The following EIF4G3 variants were observed in gnomAD, a reference collection of about 807,000 sequenced individuals.
EIF4G3 encodes the protein eIF-4-gamma 3.
A neutral mutation model predicts 186.4 loss-of-function variants in EIF4G3; 34 were observed. The observed-to-expected ratio is 0.18, with a 90% CI of 0.14 to 0.24. The LOEUF is 0.24. EIF4G3 is among the 10% of genes least tolerant of loss of function. The probability of loss-of-function intolerance (pLI) is 1.00; values close to 1 mark genes in which losing one functional copy is unlikely to be tolerated. For synonymous variants in EIF4G3, 673 were observed against 679.5 expected, an observed-to-expected ratio of 0.99 and a Z score of 0.15; for missense variants, 1,536 against 1,948.5, an observed-to-expected ratio of 0.79 and a Z score of 3.99.
intron 14 of EIF4G3, among the ~76,000 whole-genome samples, chr1:20,925,275 A>G (rs1190027592): frequency 6.6e-6 from 1 of 152,242 alleles, no homozygotes; most frequent in Non-Finnish European, 1.5e-5. Context: ...TTTATGGAAC[A>G]TCAGTGTATA....
intron 2 of EIF4G3, among the ~76,000 whole-genome samples, chr1:21,133,430 T>C (rs1351412566): frequency 6.6e-6 from 1 of 151,902 alleles, no homozygotes; most frequent in Non-Finnish European, 1.5e-5. Flanking sequence ...TTTCACCATA[T>C]TGGCCAGGCT....
intron 14 of EIF4G3, among the ~76,000 whole-genome samples, chr1:20,916,564 T>C (rs142490650): frequency 2.0e-5 from 3 of 152,224 alleles, no homozygotes; most frequent in Admixed American, 6.5e-5. Context: ...CAAATCAAAT[T>C]TCAACTGTCT....
chr1:20,814,782 C>T lies in EIF4G3; in HGVS notation c.4516-1543G>A, dbSNP rs184749002. ...CCCCCTCCCCCTCCCCCTCCCCCTC[C>T]CCCTCTCCCTCTCCCCACAGTCTCC... On this transcript the variant is annotated intron_variant, in intron 34 of 36. Coordinates refer to ENST00000602326, the MANE Select transcript of EIF4G3 (RefSeq NM_001391906.1). 5.7e-3 allele frequency among the ~76,000 whole-genome samples: 381 copies of T among 66,394 alleles called. 7 individuals are homozygous for T. The highest frequency in any genetic ancestry group is 0.027 in the East Asian group (22 of 818). 43.6% of individuals were successfully genotyped at this position (66,394 alleles called of 152,430 possible). A position where few individuals can be genotyped will look rare whatever the true frequency, so the allele number is the denominator to read the frequency against.
Position 20,899,936 on chromosome 1 carries a change from G to C in EIF4G3, c.1760C>G (p.Ala587Gly). The change falls in exon 16 of 37, where the codon GCT becomes GGT. Residue 587 changes from alanine to glycine, a missense_variant. This residue lies in a region of EIF4G3 where 560 missense variants were observed against 547.8 expected (regional missense o/e 1.02). Coordinates refer to ENST00000602326, the MANE Select transcript of EIF4G3 (RefSeq NM_001391906.1). Reference sequence around the variant, plus strand: ...TTTGTCAATGGAAAGCTCCTCTTCAGCTTTAAGCTAAATAATAAATGAACA... The same window carrying C: ...TTTGTCAATGGAAAGCTCCTCTTCACCTTTAAGCTAAATAATAAATGAACA... ...EMLEAELELK[A>G]EEELSIDKVL... The C allele has an allele frequency of 6.2e-7, 1 of 1,606,538 alleles. No individual in the cohort carries two copies. Among genetic ancestry groups the C allele is most frequent in the Non-Finnish European group, 8.5e-7 (1 of 1,178,122 alleles).
chr1:20,991,569 TA>T (rs11393266), intron 7 of EIF4G3, among the ~76,000 whole-genome samples: 14,308 of 142,350 alleles, frequency 0.1, 872 homozygotes, highest in East Asian at 0.27. Context: ...CTCTGTCTCA[TA>T]AAAAAAAAAA....
At position 20,864,522 on chromosome 1, in the gene EIF4G3, C is replaced by T. The variant is rs745659570; in HGVS notation, c.2960G>A (p.Arg987His). ...GTCTTTGCCAATGGTGGTGAGCAGG[C>T]GACACAGGCACTCCAGGGATTCTTC... ...HDEESLECLCRLLTTIGKDLD... is the reference protein window; with the variant it reads ...HDEESLECLCHLLTTIGKDLD... The change falls in exon 22 of 37, where the codon CGC becomes CAC. Residue 987 changes from arginine (R) to histidine (H), a missense_variant. This residue lies in a region of EIF4G3 where 110 missense variants were observed against 166.2 expected (regional missense o/e 0.66). Coordinates refer to ENST00000602326, the MANE Select transcript of EIF4G3 (RefSeq NM_001391906.1). The T allele has an allele frequency of 5.6e-6, 9 of 1,614,160 alleles. No homozygotes were observed. Among genetic ancestry groups the T allele is most frequent in the African/African-American group, 1.3e-5 (1 of 75,046 alleles).
Position 21,136,237 on chromosome 1 carries a change from G to A in EIF4G3, c.-272+39938C>T, listed in dbSNP as rs115897161. 7.0e-3 allele frequency among the ~76,000 whole-genome samples: 1,051 copies of A among 149,888 alleles called. 4 individuals are homozygous for A. The highest frequency in any genetic ancestry group is 0.015 in the Middle Eastern group (4 of 270). Reference sequence around the variant, plus strand: ...TTGCCAAAGGGAAAAAAAAAGAACAGGCTGGGCATGGTGGCTCACGCCTGT... The same window carrying A: ...TTGCCAAAGGGAAAAAAAAAGAACAAGCTGGGCATGGTGGCTCACGCCTGT... On this transcript the variant is annotated intron_variant, in intron 2 of 36. Coordinates refer to ENST00000602326, the MANE Select transcript of EIF4G3 (RefSeq NM_001391906.1).
At chr1:21,053,956 C>T (rs924715270) in intron 3 of EIF4G3, among the ~76,000 whole-genome samples, 1 of 152,112 alleles carries the variant, frequency 6.6e-6, no homozygotes. Flanking sequence ...GCCACCACCC[C>T]GTCTGGGAGG....
chr1:21,094,559 G>A (rs1291032442), intron 2 of EIF4G3, among the ~76,000 whole-genome samples: 1 of 148,202 alleles, frequency 6.7e-6, no homozygotes, highest in Non-Finnish European at 1.5e-5. Context: ...CTCATAGGTG[G>A]GAACTGAACA....
chr1:20,936,353 T>C (rs1220002209), intron 14 of EIF4G3, among the ~76,000 whole-genome samples: 1 of 152,194 alleles, frequency 6.6e-6, no homozygotes, highest in East Asian at 1.9e-4. Context: ...AAGCCAATGG[T>C]CCTTGCTTTA....
intron 3 of EIF4G3, among the ~76,000 whole-genome samples, chr1:21,077,578 A>C (rs2095625478): frequency 6.7e-6 from 1 of 150,328 alleles, no homozygotes; most frequent in Non-Finnish European, 1.5e-5. Context: ...CTATTATTAA[A>C]AATACAAAAA....
intron 2 of EIF4G3, among the ~76,000 whole-genome samples, chr1:21,164,273 C>G (rs2097818999): frequency 6.6e-6 from 1 of 152,138 alleles, no homozygotes; most frequent in South Asian, 2.1e-4. Flanking sequence ...TACAAAACTA[C>G]CACTGCCTAA....
intron 2 of EIF4G3, among the ~76,000 whole-genome samples, chr1:21,158,271 A>T (rs2097698428): frequency 6.9e-6 from 1 of 145,402 alleles, no homozygotes; most frequent in African/African-American, 2.6e-5. Context: ...CACCTCACGG[A>T]CTCAAGCAAT....
chr1:21,153,486 G>A (rs1332968010), intron 2 of EIF4G3, among the ~76,000 whole-genome samples: 1 of 152,282 alleles, frequency 6.6e-6, no homozygotes, highest in East Asian at 1.9e-4. Context: ...ATTCAATAAT[G>A]CTGGATACTA....
intron 18 of EIF4G3, among the ~76,000 whole-genome samples, chr1:20,886,919 TTTTA>T (rs535004231): frequency 9.0e-4 from 137 of 152,264 alleles, no homozygotes; most frequent in African/African-American, 3.1e-3. Flanking sequence ...AAAGGCTTCC[TTTTA>T]TTTGTCTGCT....
chr1:21,008,288 T>C (rs1054768878), intron 4 of EIF4G3, among the ~76,000 whole-genome samples: 1 of 152,182 alleles, frequency 6.6e-6, no homozygotes, highest in Non-Finnish European at 1.5e-5. Context: ...CTGTGGGCTA[T>C]GTGCGTAAAT....
intron 2 of EIF4G3, 93 bp from the exon 3 acceptor site, chr1:21,089,306 C>A: frequency 1.5e-6 from 1 of 677,494 alleles, no homozygotes; most frequent in South Asian, 1.6e-5. Context: ...ACGACCTAAG[C>A]ATTTTCACCC....
chr1:21,168,411 TAAA>T (rs113247116), intron 2 of EIF4G3, among the ~76,000 whole-genome samples: 14 of 150,260 alleles, frequency 9.3e-5, no homozygotes, highest in African/African-American at 2.7e-4. Flanking sequence ...CTCAATTTTT[TAAA>T]AAAAAAAAGT....
intron 3 of EIF4G3, among the ~76,000 whole-genome samples, chr1:21,082,355 C>T (rs1024606250): frequency 2.0e-5 from 3 of 151,762 alleles, no homozygotes; most frequent in South Asian, 2.1e-4. Context: ...GAGGCCAAGG[C>T]GTGTGGATCA....
Sources: gnomAD v4.1 joint callset for allele counts (sites outside exome capture counted in the v4.1 genomes callset) on GRCh38, gnomAD v4.1.1 for gene constraint, gnomAD v4.1.1 regional missense constraint, MANE v1.5 for transcripts, NCBI Gene and HGNC (gene_info 2026-07-23, HGNC 2026-07-21) for gene names.